KDM4C: variants seen among roughly 807,000 people sequenced by gnomAD.
KDM4C encodes the protein lysine-specific demethylase 4C.
A neutral mutation model predicts 129.3 loss-of-function variants in KDM4C; 81 were observed. The observed-to-expected ratio is 0.63, with a 90% confidence interval of 0.52 to 0.75. The LOEUF (loss-of-function observed/expected upper bound fraction) is 0.75, where lower values mean the gene tolerates loss of function less well. Among genes scored for constraint, KDM4C ranks in the 30% least tolerant of loss-of-function variants. The pLI, the probability that KDM4C is intolerant of heterozygous loss-of-function variation, is 0.00. For missense variants in KDM4C, 1,457 were observed against 1,304.0 expected, an observed-to-expected ratio of 1.12 and a Z score of -1.81; for synonymous variants, 573 against 456.1, an observed-to-expected ratio of 1.26 and a Z score of -3.26.
chr9:6,946,931 T>C (rs1424878582), intron 8 of KDM4C, among the ~76,000 whole-genome samples: 2 of 152,266 alleles, frequency 1.3e-5, no homozygotes, highest in Admixed American at 1.3e-4. Flanking sequence ...TGCATCTCAC[T>C]TCATTTGCTT....
At chr9:6,811,283 A>G (rs964009287) in intron 3 of KDM4C, among the ~76,000 whole-genome samples, 12 of 152,106 alleles carry the variant, frequency 7.9e-5, no homozygotes, top group African/African-American at 2.9e-4. Flanking sequence ...CCTCCCGAGC[A>G]GCTGGGACCA....
At chr9:6,757,778 C>T (rs998958808), upstream of KDM4C, 26 of 985,478 alleles carry the variant, frequency 2.6e-5, no homozygotes, top group East Asian at 2.3e-4. Context: ...TATCTTTCCC[C>T]TCCGGAAAGA....
intron 1 of KDM4C, among the ~76,000 whole-genome samples, chr9:6,730,728 T>C (rs1817304804): frequency 6.6e-6 from 1 of 152,158 alleles, no homozygotes; most frequent in South Asian, 2.1e-4. Flanking sequence ...GGATGCCTCA[T>C]GGTCAGAACA....
chr9:7,102,013 A>T (rs1019654543), intron 17 of KDM4C, among the ~76,000 whole-genome samples: 1 of 152,206 alleles, frequency 6.6e-6, no homozygotes, highest in Non-Finnish European at 1.5e-5. Context: ...GATAGCATGG[A>T]TTGTCAAAGA....
chr9:7,066,178 T>C (rs1229221516), intron 17 of KDM4C, among the ~76,000 whole-genome samples: 1 of 152,202 alleles, frequency 6.6e-6, no homozygotes, highest in Non-Finnish European at 1.5e-5. Flanking sequence ...CATTTATCAG[T>C]TTTTTATTTA....
chr9:6,757,458 T>C (rs974496930), upstream of KDM4C, among the ~76,000 whole-genome samples: 3 of 152,250 alleles, frequency 2.0e-5, no homozygotes, highest in African/African-American at 7.2e-5. Flanking sequence ...ACTCTTCGCC[T>C]ATTCGGGATC....
chr9:6,821,143 C>G (rs1037434384), intron 4 of KDM4C, among the ~76,000 whole-genome samples: 1 of 152,018 alleles, frequency 6.6e-6, no homozygotes, highest in Non-Finnish European at 1.5e-5. Context: ...GGGTTGGTTC[C>G]AAGTCTTTGC....
intron 5 of KDM4C, among the ~76,000 whole-genome samples, chr9:6,870,574 C>A (rs145962089): frequency 6.6e-6 from 1 of 151,852 alleles, no homozygotes; most frequent in Admixed American, 6.6e-5. Context: ...CTGTGATGAG[C>A]TGTAATCATA....
intron 17 of KDM4C, among the ~76,000 whole-genome samples, chr9:7,081,796 T>G (rs1834549817): frequency 6.6e-6 from 1 of 152,142 alleles, no homozygotes; most frequent in Non-Finnish European, 1.5e-5. Flanking sequence ...GGAGATGAGT[T>G]CAGAGGGGCT....
At chr9:6,848,743 T>C (rs1838309834) in intron 4 of KDM4C, among the ~76,000 whole-genome samples, 1 of 152,192 alleles carries the variant, frequency 6.6e-6, no homozygotes, top group Non-Finnish European at 1.5e-5. Context: ...CTTATAGTAG[T>C]GACTCTAACC....
chr9:7,095,070 T>C (rs1188414037), intron 17 of KDM4C, among the ~76,000 whole-genome samples: 1 of 152,216 alleles, frequency 6.6e-6, no homozygotes, highest in Admixed American at 6.5e-5. Flanking sequence ...AGCAGGAATA[T>C]CTACAAAGGT....
intron 5 of KDM4C, among the ~76,000 whole-genome samples, chr9:6,869,125 A>G (rs974441218): frequency 5.9e-5 from 9 of 152,194 alleles, no homozygotes; most frequent in Non-Finnish European, 1.5e-5. Context: ...AGAACTGCCC[A>G]ACTTTCCAAA....
At chr9:6,881,878 A>T (rs574789475) in intron 6 of KDM4C, among the ~76,000 whole-genome samples, 6 of 152,358 alleles carry the variant, frequency 3.9e-5, no homozygotes, top group Admixed American at 6.5e-5. Flanking sequence ...TGATAAAATA[A>T]TGCAGTGCGA....
At chr9:6,994,032 G>C (rs543436175) in intron 12 of KDM4C, among the ~76,000 whole-genome samples, 6 of 152,102 alleles carry the variant, frequency 3.9e-5, no homozygotes, top group Non-Finnish European at 1.5e-5. Flanking sequence ...TGGGGCAGGG[G>C]TATAGGGGTG....
intron 8 of KDM4C, among the ~76,000 whole-genome samples, chr9:6,962,092 T>C (rs564445511): frequency 6.6e-6 from 1 of 152,214 alleles, no homozygotes; most frequent in Admixed American, 6.5e-5. Flanking sequence ...ACCAGGGGGC[T>C]CTATTGGCTG....
intron 8 of KDM4C, among the ~76,000 whole-genome samples, chr9:6,946,594 T>C (rs1270136872): frequency 2.0e-5 from 3 of 152,162 alleles, no homozygotes; most frequent in Non-Finnish European, 4.4e-5. Flanking sequence ...ATGTGAGTTG[T>C]AATATTTTGA....
chr9:6,740,245 C>G (rs892523151), intron 1 of KDM4C, among the ~76,000 whole-genome samples: 1 of 150,670 alleles, frequency 6.6e-6, no homozygotes, highest in African/African-American at 2.4e-5. Context: ...GCTCTGTTGC[C>G]CAGGCTGGAG....
chr9:7,111,501 G>A (rs536441113), intron 18 of KDM4C, among the ~76,000 whole-genome samples: 1 of 152,238 alleles, frequency 6.6e-6, no homozygotes, highest in South Asian at 2.1e-4. Flanking sequence ...TGGAAACAGA[G>A]TGAGTTTACG....
chr9:7,061,337 C>T (rs73403560), intron 17 of KDM4C, among the ~76,000 whole-genome samples: 1 of 152,288 alleles, frequency 6.6e-6, no homozygotes, highest in South Asian at 2.1e-4. Context: ...TTTGAGAAAC[C>T]TGTCCCGGAA....
Sources: allele counts gnomAD v4.1 joint callset (sites outside exome capture counted in the v4.1 genomes callset), GRCh38; gene constraint gnomAD v4.1.1; transcripts MANE v1.5; gene names NCBI Gene and HGNC (gene_info 2026-07-23, HGNC 2026-07-21).